ABCD2: variants seen among roughly 807,000 people sequenced by gnomAD.
ABCD2 encodes ATP binding cassette subfamily D member 2, also known as ATP-binding cassette sub-family D member 2.
A neutral mutation model predicts 70.9 loss-of-function variants in ABCD2; 36 were observed. The ratio of observed to expected loss-of-function variants is 0.51; its 90% CI spans 0.39 to 0.67. The LOEUF (loss-of-function observed/expected upper bound fraction) is 0.67. Among genes scored for constraint, ABCD2 ranks in the 30% least tolerant of loss-of-function variants. The probability of loss-of-function intolerance (pLI) is 0.00; values close to 1 mark genes in which losing one functional copy is unlikely to be tolerated. For missense variants in ABCD2, 729 were observed against 890.2 expected, an observed-to-expected ratio of 0.82 and a Z score of 2.30; for synonymous variants, 304 against 306.9, an observed-to-expected ratio of 0.99 and a Z score of 0.10.
intron 9 of ABCD2, among the ~76,000 whole-genome samples, chr12:39,562,749 T>C (rs990700906): frequency 6.6e-6 from 1 of 152,130 alleles, no homozygotes; most frequent in African/African-American, 2.4e-5. Context: ...AAAGAACTAA[T>C]ATTAGTTCTC....
In ABCD2 at chr12:39,573,793, A is replaced by C; in HGVS notation, c.1926T>G (p.Asp642Glu). 1 of 1,613,402 alleles carries C rather than the reference A, an allele frequency of 6.2e-7. No homozygotes were observed. The highest frequency in any genetic ancestry group is 8.5e-7 in the Non-Finnish European group (1 of 1,179,434). Residue 642 changes from aspartate to glutamate, a missense_variant, in exon 9 of 10, where the codon GAT (aspartate) becomes GAG (glutamate). Transcript: ENST00000308666. Reference protein sequence around the residue: ...LDECTSAVSIDVEGKIFQAAK... With the variant: ...LDECTSAVSIEVEGKIFQAAK... ...CAGCCTGAAATATCTTTCCTTCGAC[A>C]TCAATGCTGACAGCACTGGTACATT...
intron 8 of ABCD2, among the ~76,000 whole-genome samples, chr12:39,576,520 T>C (rs979818652): frequency 1.3e-5 from 2 of 152,162 alleles, no homozygotes; most frequent in Non-Finnish European, 2.9e-5. Context: ...TATCCCAAAA[T>C]ACACATCACT....
At chr12:39,538,401 C>G in the ABCD2 span, among the ~76,000 whole-genome samples, 5 of 152,094 alleles carry the variant, frequency 3.3e-5, no homozygotes, top group South Asian at 1.0e-3. Flanking sequence ...TCTCAAACTC[C>G]TGGCCCCAAG....
chr12:39,568,697 G>A (rs1191373281), intron 9 of ABCD2, among the ~76,000 whole-genome samples: 2 of 152,122 alleles, frequency 1.3e-5, no homozygotes, highest in African/African-American at 2.4e-5. Context: ...GAGGAGGAGA[G>A]GTGCTCTGAT....
At chr12:39,617,272 C>T (rs1009770971) in intron 1 of ABCD2, 104 bp from the exon 2 acceptor site, 24 of 635,036 alleles carry the variant, frequency 3.8e-5, no homozygotes, top group Non-Finnish European at 5.4e-5. Flanking sequence ...CCAATAAATG[C>T]AGATTAATAC....
At chr12:39,559,091 G>A (rs558203058) in intron 9 of ABCD2, among the ~76,000 whole-genome samples, 15 of 152,118 alleles carry the variant, frequency 9.9e-5, no homozygotes, top group African/African-American at 1.4e-4. Flanking sequence ...AGCAAATGTC[G>A]CCTGGACATG....
At chr12:39,590,948 G>GA (rs553816702) in intron 6 of ABCD2, among the ~76,000 whole-genome samples, 79 of 151,088 alleles carry the variant, frequency 5.2e-4, no homozygotes, top group African/African-American at 1.8e-3. Flanking sequence ...ATCCAGAGGA[G>GA]AAAAAAAAGT....
intron 9 of ABCD2, among the ~76,000 whole-genome samples, chr12:39,562,642 G>T (rs1941277591): frequency 1.3e-5 from 2 of 151,968 alleles, no homozygotes; most frequent in South Asian, 4.1e-4. Context: ...TGAAGAAACA[G>T]AAAATGTCAA....
chr12:39,538,725 G>A, the ABCD2 span, among the ~76,000 whole-genome samples: 1 of 152,180 alleles, frequency 6.6e-6, no homozygotes, highest in South Asian at 2.1e-4. Context: ...CCAGTCCCAA[G>A]GCGCAAGGCT....
chr12:39,545,721 T>G (rs1393765419), downstream of ABCD2, among the ~76,000 whole-genome samples: 2 of 151,988 alleles, frequency 1.3e-5, no homozygotes, highest in African/African-American at 4.8e-5. Flanking sequence ...TGGCATTGAG[T>G]TTTTTTTATA....
chr12:39,583,654 G>T (rs1288478684), intron 7 of ABCD2, among the ~76,000 whole-genome samples: 1 of 151,962 alleles, frequency 6.6e-6, no homozygotes, highest in South Asian at 2.1e-4. Context: ...TTTCTTTTCT[G>T]CTCCTCTCCC....
At chr12:39,611,749 G>C (rs1942047745) in intron 2 of ABCD2, among the ~76,000 whole-genome samples, 1 of 151,978 alleles carries the variant, frequency 6.6e-6, no homozygotes, top group Non-Finnish European at 1.5e-5. Context: ...CATTAAGAGA[G>C]TGAAAAGGCC....
At chr12:39,588,794 AT>A (rs1413198199) in intron 6 of ABCD2, among the ~76,000 whole-genome samples, 1 of 152,200 alleles carries the variant, frequency 6.6e-6, no homozygotes, top group Non-Finnish European at 1.5e-5. Flanking sequence ...TTCTTTAAAA[AT>A]ATCAATGTCA....
the ABCD2 span, among the ~76,000 whole-genome samples, chr12:39,535,643 AT>A: frequency 6.6e-6 from 1 of 152,192 alleles, no homozygotes; most frequent in African/African-American, 2.4e-5. Flanking sequence ...CATTCAACGA[AT>A]TGAAATTTGT....
At chr12:39,558,538 TG>T (rs1205303732) in intron 9 of ABCD2, among the ~76,000 whole-genome samples, 1 of 152,222 alleles carries the variant, frequency 6.6e-6, no homozygotes, top group Admixed American at 6.5e-5. Flanking sequence ...TGGATCATGA[TG>T]GGGTTTCCCC....
At chr12:39,593,241 T>C (rs1417583636) in intron 6 of ABCD2, among the ~76,000 whole-genome samples, 1 of 152,086 alleles carries the variant, frequency 6.6e-6, no homozygotes, top group African/African-American at 2.4e-5. Flanking sequence ...AGCTTTTATT[T>C]TTTTGTTTTA....
intron 8 of ABCD2, among the ~76,000 whole-genome samples, chr12:39,578,190 G>A (rs1209755190): frequency 6.6e-6 from 1 of 152,140 alleles, no homozygotes; most frequent in African/African-American, 2.4e-5. Flanking sequence ...TATTAAAAGT[G>A]AGGGCCGGGT....
At chr12:39,554,400 A>C (rs1403006040) in intron 9 of ABCD2, among the ~76,000 whole-genome samples, 1 of 152,128 alleles carries the variant, frequency 6.6e-6, no homozygotes, top group African/African-American at 2.4e-5. Flanking sequence ...GCATGTATTT[A>C]ATTTCTTCAT....
intron 2 of ABCD2, among the ~76,000 whole-genome samples, chr12:39,614,523 A>G (rs1186640906): frequency 6.7e-6 from 1 of 150,014 alleles, no homozygotes; most frequent in Non-Finnish European, 1.5e-5. Flanking sequence ...TCCCCTTGCC[A>G]TTTCTTTCTG....
Sources: gnomAD v4.1 joint callset for allele counts (sites outside exome capture counted in the v4.1 genomes callset) on GRCh38, gnomAD v4.1.1 for gene constraint, MANE v1.5 for transcripts, NCBI Gene and HGNC (gene_info 2026-07-23, HGNC 2026-07-21) for gene names.